Variants in DLGAP1 observed in about 807,000 individuals in gnomAD.
DLGAP1 encodes disks large-associated protein 1.
Under a neutral mutation model 90.8 loss-of-function variants are expected in DLGAP1, and 11 were observed. That is an observed-to-expected ratio of 0.12 (90% CI 0.08 to 0.20). The LOEUF (loss-of-function observed/expected upper bound fraction) is 0.20, where lower values mean the gene tolerates loss of function less well. DLGAP1 is among the 10% of genes least tolerant of loss of function. DLGAP1 has a pLI of 1.00. For missense variants in DLGAP1, 1,050 were observed against 1,333.8 expected (o/e 0.79, Z 3.31); for synonymous variants, 558 against 540.7 (o/e 1.03, Z -0.44).
At chr18:3,974,694 T>C (rs1328482214) in intron 3 of DLGAP1, among the ~76,000 whole-genome samples, 22 of 152,068 alleles carry the variant, frequency 1.4e-4, no homozygotes. Flanking sequence ...AAACATTCAA[T>C]GTCAAAAGAC....
chr18:3,601,401 T>C (rs2057015815), intron 7 of DLGAP1, among the ~76,000 whole-genome samples: 1 of 152,034 alleles, frequency 6.6e-6, no homozygotes, highest in South Asian at 2.1e-4. Flanking sequence ...TGGAGTAATC[T>C]GATGTGGTCT....
At chr18:3,629,369 A>C (rs2058432364) in intron 7 of DLGAP1, among the ~76,000 whole-genome samples, 1 of 152,020 alleles carries the variant, frequency 6.6e-6, no homozygotes, top group African/African-American at 2.4e-5. Context: ...TCTACAAACA[A>C]ATAAATAAAA....
intron 1 of DLGAP1, among the ~76,000 whole-genome samples, chr18:4,359,565 A>T (rs917014075): frequency 7.2e-5 from 11 of 152,346 alleles, no homozygotes; most frequent in Non-Finnish European, 1.2e-4. Flanking sequence ...CATAAAACTT[A>T]TATTAAATAA....
At position 4,195,645 on chromosome 18, in the gene DLGAP1, G is replaced by A. The variant is rs1285972666; in HGVS notation, c.-266-44358C>T. ...CAGCTCACAGCAACCTCTGCCTCCC[G>A]GGTTCAAGAGAATCTCCTGCCTCAG... On this transcript the variant is annotated intron_variant, in intron 1 of 12. Coordinates refer to ENST00000315677, the MANE Select transcript of DLGAP1 (RefSeq NM_004746.4). 3.3e-5 allele frequency among the ~76,000 whole-genome samples: 5 copies of A among 152,004 alleles called. No homozygotes were observed. In the East Asian group the frequency reaches 5.8e-4, roughly 18 times the overall value.
intron 9 of DLGAP1, among the ~76,000 whole-genome samples, chr18:3,553,549 T>C (rs1427828692): frequency 6.6e-6 from 1 of 152,162 alleles, no homozygotes; most frequent in African/African-American, 2.4e-5. Context: ...TGTTTGTTTG[T>C]TTGAGACAGA....
intron 3 of DLGAP1, among the ~76,000 whole-genome samples, chr18:3,943,780 C>T (rs1192424750): frequency 6.6e-6 from 1 of 152,088 alleles, no homozygotes; most frequent in African/African-American, 2.4e-5. Flanking sequence ...GGAGATAGGG[C>T]ATTTAAAGAG....
At chr18:4,408,228 C>T (rs1037667668) in intron 1 of DLGAP1, among the ~76,000 whole-genome samples, 2 of 152,034 alleles carry the variant, frequency 1.3e-5, no homozygotes, top group Non-Finnish European at 2.9e-5. Context: ...TTATCAGGTG[C>T]ATATTCACGG....
intron 2 of DLGAP1, among the ~76,000 whole-genome samples, chr18:4,009,425 C>T (rs2074374176): frequency 6.6e-6 from 1 of 152,202 alleles, no homozygotes. Flanking sequence ...GCAAACATTG[C>T]CTTGCTGTTA....
intron 7 of DLGAP1, among the ~76,000 whole-genome samples, chr18:3,600,718 A>ATCTG (rs1183616039): frequency 0.024 from 2,000 of 81,802 alleles, 420 homozygotes; most frequent in Middle Eastern, 0.07. Context: ...CTATATAGAT[A>ATCTG]TAGAGATATA....
intron 7 of DLGAP1, among the ~76,000 whole-genome samples, chr18:3,706,351 A>T (rs924663219): frequency 6.6e-6 from 1 of 152,182 alleles, no homozygotes; most frequent in Non-Finnish European, 1.5e-5. Flanking sequence ...GCCAGCATGC[A>T]TTTAATACCA....
chr18:4,102,305 T>A (rs899625381), intron 2 of DLGAP1, among the ~76,000 whole-genome samples: 2 of 152,226 alleles, frequency 1.3e-5, no homozygotes, highest in African/African-American at 2.4e-5. Flanking sequence ...ATTGGCCTTA[T>A]GGTTTGTGTA....
chr18:4,236,816 C>A (rs1005122020), intron 1 of DLGAP1, among the ~76,000 whole-genome samples: 1 of 152,080 alleles, frequency 6.6e-6, no homozygotes. Context: ...TATTGAATAA[C>A]CAATTGTTTG....
intron 7 of DLGAP1, among the ~76,000 whole-genome samples, chr18:3,707,387 C>T (rs963331146): frequency 6.6e-5 from 10 of 152,072 alleles, no homozygotes; most frequent in Non-Finnish European, 1.3e-4. Flanking sequence ...CACTGGAGGT[C>T]AGCAGTTTGA....
chr18:3,808,097 C>A (rs778619073), intron 5 of DLGAP1, among the ~76,000 whole-genome samples: 1 of 152,100 alleles, frequency 6.6e-6, no homozygotes, highest in Non-Finnish European at 1.5e-5. Flanking sequence ...ATGTAATAGG[C>A]GATTGCTTGT....
At chr18:3,504,646 G>A (rs1315348315) in intron 11 of DLGAP1, among the ~76,000 whole-genome samples, 2 of 152,068 alleles carry the variant, frequency 1.3e-5, no homozygotes, top group Non-Finnish European at 2.9e-5. Flanking sequence ...GACCTCCCAA[G>A]TGCTGGGATT....
chr18:4,072,160 C>A (rs1445782518), intron 2 of DLGAP1, among the ~76,000 whole-genome samples: 5 of 151,788 alleles, frequency 3.3e-5, no homozygotes, highest in Non-Finnish European at 5.9e-5. Context: ...CAGTATAAAG[C>A]AAAAACTTGG....
In DLGAP1 at chr18:3,568,179, G is replaced by A. The variant is rs148478517; in HGVS notation, c.1966-598C>T. Among the ~76,000 whole-genome samples the A allele has an allele frequency of 2.0e-3, 302 of 152,132 alleles. 2 individuals carry two copies. The highest frequency in any genetic ancestry group is 6.5e-3 in the African/African-American group (268 of 41,526). ...CTCCCAAAGTGTTGAGATTACAGGC[G>A]TGAGCCACCACGCCCGGCCTGGAAG... On this transcript the variant is annotated intron_variant, in intron 8 of 12. Coordinates refer to ENST00000315677, the MANE Select transcript of DLGAP1 (RefSeq NM_004746.4).
At chr18:4,023,915 T>C (rs2149117334) in intron 2 of DLGAP1, among the ~76,000 whole-genome samples, 1 of 152,310 alleles carries the variant, frequency 6.6e-6, no homozygotes, top group South Asian at 2.1e-4. Context: ...GGTTTATATA[T>C]GGATCACATG....
chr18:4,327,259 T>C (rs752924560), intron 1 of DLGAP1, among the ~76,000 whole-genome samples: 1 of 152,042 alleles, frequency 6.6e-6, no homozygotes, highest in Non-Finnish European at 1.5e-5. Context: ...GTAATGGATA[T>C]GTTAATTAGC....
Sources: allele counts gnomAD v4.1 joint callset (sites outside exome capture counted in the v4.1 genomes callset), GRCh38; gene constraint gnomAD v4.1.1; transcripts MANE v1.5; gene names NCBI Gene and HGNC (gene_info 2026-07-23, HGNC 2026-07-21).